ZSCAN25: variants seen among roughly 807,000 people sequenced by gnomAD.
ZSCAN25 encodes zinc finger and SCAN domain-containing protein 25.
A neutral mutation model predicts 38.7 loss-of-function variants in ZSCAN25; 27 were observed. The ratio of observed to expected loss-of-function variants is 0.70; its 90% CI spans 0.51 to 0.96. The LOEUF is 0.96. ZSCAN25 is among the 40% of genes least tolerant of loss of function. The pLI is 0.00. For missense variants in ZSCAN25, 637 were observed against 705.9 expected (o/e 0.90, Z 1.11); for synonymous variants, 273 against 277.7 (o/e 0.98, Z 0.17).
chr7:99,660,776 A>G, the ZSCAN25 span: 33 of 1,240,460 alleles, frequency 2.7e-5, no homozygotes, highest in Non-Finnish European at 3.3e-5. Context: ...AAGCAATTCA[A>G]AGTCACACTG....
At chr7:99,660,246 ACTTAGC>A in the ZSCAN25 span, 1 of 234,056 alleles carries the variant, frequency 4.3e-6, no homozygotes, top group Non-Finnish European at 5.0e-6. Context: ...TTTTTTTTTT[ACTTAGC>A]ATTATTGTGA....
At chr7:99,649,533 C>T in the ZSCAN25 span, among the ~76,000 whole-genome samples, 2 of 152,150 alleles carry the variant, frequency 1.3e-5, no homozygotes, top group Non-Finnish European at 1.5e-5. Context: ...ATTAGTCATT[C>T]TCCACCTTGG....
At chr7:99,717,467 C>T in the ZSCAN25 span, 1 of 1,604,220 alleles carries the variant, frequency 6.2e-7, no homozygotes, top group Non-Finnish European at 8.5e-7. Context: ...TTACTTTCTA[C>T]CTGTCCCCAC....
chr7:99,662,637 G>A, the ZSCAN25 span, among the ~76,000 whole-genome samples: 7 of 152,154 alleles, frequency 4.6e-5, no homozygotes, highest in African/African-American at 1.7e-4. This position sits in a 1 kb window ranked among gnomAD's most constrained non-coding sequence, Gnocchi z 4.3. Flanking sequence ...CTGGAACATG[G>A]CTATACCTGT....
At chr7:99,734,359 A>G in the ZSCAN25 span, among the ~76,000 whole-genome samples, 2 of 152,202 alleles carry the variant, frequency 1.3e-5, no homozygotes, top group Admixed American at 1.3e-4. Flanking sequence ...CTCACTGGTG[A>G]GAAGATTCAC....
chr7:99,650,734 C>T, the ZSCAN25 span, among the ~76,000 whole-genome samples: 5 of 152,070 alleles, frequency 3.3e-5, no homozygotes, highest in African/African-American at 1.2e-4. Context: ...CCTTCCCCGT[C>T]CACCTTCTCC....
chr7:99,719,491 T>G, the ZSCAN25 span, among the ~76,000 whole-genome samples: 1 of 151,986 alleles, frequency 6.6e-6, no homozygotes, highest in South Asian at 2.1e-4. Flanking sequence ...GATAGTAGAG[T>G]TACATTTAGT....
Position 99,617,025 on chromosome 7 carries a change from C to A in ZSCAN25, c.-259+9C>A, listed in dbSNP as rs376121961. ...CTTCAGGGCCGCGGCGGGTGAGAGC[C>A]TCTTCAGGGCCGCAGCGGGTGGCGG... On this transcript the variant is annotated intron_variant, in intron 1 of 7. Transcript: ENST00000394152. 6.6e-6 allele frequency: 1 copy of A among 152,254 alleles called. No homozygotes were observed. The highest frequency in any genetic ancestry group is 2.1e-4 in the South Asian group (1 of 4,834). 9.4% of individuals were successfully genotyped at this position (152,254 alleles called of 1,614,324 possible).
At position 99,619,097 on chromosome 7, in the gene ZSCAN25, T is replaced by C. The variant is rs1806705024; in HGVS notation, c.-82T>C. 1 of 152,636 alleles carries C rather than the reference T, an allele frequency of 6.6e-6. No individual in the cohort carries two copies. Among genetic ancestry groups the C allele is most frequent in the Admixed American group, 6.5e-5 (1 of 15,304 alleles). 9.5% of individuals were successfully genotyped at this position (152,636 alleles called of 1,614,324 possible). On this transcript the variant is annotated 5_prime_UTR_variant, in exon 3 of 8. Coordinates refer to ENST00000394152, the MANE Select transcript of ZSCAN25 (RefSeq NM_145115.3). ...AAAAGAGTTGCTTCCATTTGACTTT[T>C]TCTGTCTGCTGTACCAGCATATGAG...
At chr7:99,691,549 T>C in the ZSCAN25 span, among the ~76,000 whole-genome samples, 1 of 152,220 alleles carries the variant, frequency 6.6e-6, no homozygotes, top group Admixed American at 6.5e-5. Context: ...TATAGGTCTC[T>C]AAGGACTGCT....
At chr7:99,677,888 T>G in the ZSCAN25 span, among the ~76,000 whole-genome samples, 1 of 152,068 alleles carries the variant, frequency 6.6e-6, no homozygotes, top group Non-Finnish European at 1.5e-5. Flanking sequence ...TCAGCAGCAT[T>G]GGCCCCCAAG....
At chr7:99,666,484 G>A in the ZSCAN25 span, 19 of 1,134,188 alleles carry the variant, frequency 1.7e-5, no homozygotes, top group Middle Eastern at 2.5e-4. Flanking sequence ...GAGTTGCAGC[G>A]CTGCCCTGCT....
chr7:99,735,693 T>C, the ZSCAN25 span, among the ~76,000 whole-genome samples: 2 of 152,292 alleles, frequency 1.3e-5, no homozygotes, highest in Admixed American at 6.5e-5. Context: ...GCACTTTCCA[T>C]CCCCTTCATG....
the ZSCAN25 span, among the ~76,000 whole-genome samples, chr7:99,716,420 A>C: frequency 6.6e-6 from 1 of 152,206 alleles, no homozygotes; most frequent in South Asian, 2.1e-4. Context: ...CTCCCTGCTC[A>C]AGCTTTGGAA....
At position 99,629,065 on chromosome 7, in the gene ZSCAN25, T is replaced by C; in HGVS notation, c.806-126T>C. On this transcript the variant is annotated intron_variant, in intron 7 of 7. Transcript: ENST00000394152. The surrounding 1 kb of genome is among the most constrained non-coding windows in gnomAD (Gnocchi z 5.6). Reference sequence around the variant, plus strand: ...GAAAAAGAAGTAAGGAAAGCCTGAGTTGAGGTTGTTGGTCAAAGGAAAAAA... The same window carrying C: ...GAAAAAGAAGTAAGGAAAGCCTGAGCTGAGGTTGTTGGTCAAAGGAAAAAA... The C allele has an allele frequency of 7.7e-7, 1 of 1,303,780 alleles. No homozygotes were observed. The highest frequency in any genetic ancestry group is 1.0e-6 in the Non-Finnish European group (1 of 964,068). 80.8% of individuals were successfully genotyped at this position (1,303,780 alleles called of 1,614,324 possible).
At chr7:99,675,643 T>C in the ZSCAN25 span, among the ~76,000 whole-genome samples, 2 of 14,370 alleles carry the variant, frequency 1.4e-4, no homozygotes, top group African/African-American at 4.3e-4. Flanking sequence ...TCTCCTCTCC[T>C]CCCCCCTCCC....
chr7:99,657,888 A>T, the ZSCAN25 span, among the ~76,000 whole-genome samples: 2 of 152,136 alleles, frequency 1.3e-5, no homozygotes, highest in African/African-American at 2.4e-5. Flanking sequence ...CTGTTTTATC[A>T]GAGAGTAGGA....
At chr7:99,690,843 TG>T in the ZSCAN25 span, among the ~76,000 whole-genome samples, 1 of 152,184 alleles carries the variant, frequency 6.6e-6, no homozygotes, top group Non-Finnish European at 1.5e-5. Context: ...ACACTGTTGG[TG>T]TGACTGTAAA....
the ZSCAN25 span, among the ~76,000 whole-genome samples, chr7:99,737,931 CA>C: frequency 6.6e-6 from 1 of 152,218 alleles, no homozygotes; most frequent in Non-Finnish European, 1.5e-5. Flanking sequence ...CTGAGAGCTG[CA>C]CTGACTGTGT....
Sources: allele counts gnomAD v4.1 joint callset (sites outside exome capture counted in the v4.1 genomes callset), GRCh38; gene constraint gnomAD v4.1.1; non-coding constraint Gnocchi (gnomAD v3.1); transcripts MANE v1.5; gene names NCBI Gene and HGNC (gene_info 2026-07-23, HGNC 2026-07-21).